The following TMPRSS11E variants were observed in gnomAD, a reference collection of about 807,000 sequenced individuals.
TMPRSS11E encodes the protein transmembrane serine protease 11E, also known as transmembrane protease serine 11E.
A neutral mutation model predicts 48.1 loss-of-function variants in TMPRSS11E; 38 were observed. That is an observed-to-expected ratio of 0.79 (90% CI 0.61 to 1.04). The LOEUF is 1.04. TMPRSS11E is among the 50% of genes least tolerant of loss of function. The pLI, the probability that TMPRSS11E is intolerant of heterozygous loss-of-function variation, is 0.00. For synonymous variants in TMPRSS11E, 158 were observed against 171.9 expected (o/e 0.92, Z 0.63); for missense variants, 530 against 510.8 (o/e 1.04, Z -0.36).
chr4:68,492,979 C>T (rs1560562300), intron 9 of TMPRSS11E, among the ~76,000 whole-genome samples: 1 of 152,152 alleles, frequency 6.6e-6, no homozygotes, highest in Non-Finnish European at 1.5e-5. Flanking sequence ...TTGAAAACAT[C>T]GTGCACTTTT....
chr4:68,455,224 A>T (rs967278514), intron 1 of TMPRSS11E, among the ~76,000 whole-genome samples: 3 of 151,960 alleles, frequency 2.0e-5, no homozygotes, highest in African/African-American at 4.8e-5. Flanking sequence ...CATTTGAAAA[A>T]TTGCCTGAAG....
chr4:68,454,476 T>C (rs1728575932), intron 1 of TMPRSS11E, among the ~76,000 whole-genome samples: 1 of 151,944 alleles, frequency 6.6e-6, no homozygotes, highest in South Asian at 2.1e-4. Flanking sequence ...AATAAAAAAT[T>C]TCATAAATTT....
chr4:68,453,381 G>A (rs151263151), intron 1 of TMPRSS11E, among the ~76,000 whole-genome samples: 12,442 of 151,806 alleles, frequency 0.082, 970 homozygotes, highest in East Asian at 0.41. Context: ...CTAATCCCAA[G>A]CTGTTTGATG....
intron 2 of TMPRSS11E, among the ~76,000 whole-genome samples, chr4:68,465,386 G>C (rs1434225825): frequency 2.0e-5 from 3 of 152,126 alleles, no homozygotes; most frequent in Non-Finnish European, 4.4e-5. Flanking sequence ...TACACCAGTA[G>C]TTTTTTGCAT....
At chr4:68,480,489 A>G (rs762004530) in intron 9 of TMPRSS11E, among the ~76,000 whole-genome samples, 23 of 151,662 alleles carry the variant, frequency 1.5e-4, no homozygotes, top group Non-Finnish European at 2.4e-4. Flanking sequence ...TCTTCTTTTT[A>G]TATTTACTAT....
At chr4:68,462,740 TA>T (rs2109675329) in intron 2 of TMPRSS11E, among the ~76,000 whole-genome samples, 1 of 152,328 alleles carries the variant, frequency 6.6e-6, no homozygotes, top group Non-Finnish European at 1.5e-5. Flanking sequence ...TTTCTGTTAT[TA>T]AAATCTCATC....
chr4:68,468,526 T>C (rs943731351), intron 3 of TMPRSS11E, among the ~76,000 whole-genome samples: 3 of 152,120 alleles, frequency 2.0e-5, no homozygotes, highest in African/African-American at 7.2e-5. Context: ...AATTATTTCA[T>C]TTCCTTTGTC....
Position 68,476,384 on chromosome 4 carries a change from G to C in TMPRSS11E, c.653G>C (p.Gly218Ala), listed in dbSNP as rs1352054234. 6.2e-7 allele frequency: 1 copy of C among 1,614,106 alleles called. No homozygotes were observed. The highest frequency in any genetic ancestry group is 1.1e-5 in the South Asian group (1 of 91,082). The change falls in exon 7 of 10, where the codon GGA becomes GCA. Residue 218 changes from glycine to alanine, a missense_variant. Physicochemically the swap from Gly to Ala is moderately conservative, Grantham distance 60. Transcript: ENST00000305363. ...CAGTGGGATGGGAGTCATCGCTGTG[G>C]AGCAACCTTAATTAATGCCACATGG... Reference protein sequence around the residue: ...SLQWDGSHRCGATLINATWLV... With the variant: ...SLQWDGSHRCAATLINATWLV...
intron 1 of TMPRSS11E, among the ~76,000 whole-genome samples, chr4:68,458,339 A>G (rs1728691238): frequency 7.1e-6 from 1 of 140,694 alleles, no homozygotes; most frequent in African/African-American, 2.5e-5. Context: ...TTTTCTGGCA[A>G]TTTGGGGCTA....
At position 68,496,721 on chromosome 4, in the gene TMPRSS11E, G is replaced by C. The variant is rs758304149; in HGVS notation, c.1189G>C (p.Glu397Gln). ...YLAGIVSWGD[E>Q]CAKPNKPGVY... ...TGCTGGAATAGTGAGCTGGGGAGAT[G>C]AATGTGCGAAACCCAACAAGCCTGG... Residue 397 changes from glutamate (E) to glutamine (Q), a missense_variant, in exon 10 of 10, where the codon GAA becomes CAA. By Grantham distance (29) the Glu-to-Gln change is conservative. Transcript: ENST00000305363. 6.2e-7 allele frequency: 1 copy of C among 1,613,720 alleles called. No homozygotes were observed.
In TMPRSS11E at chr4:68,468,894, T is replaced by C. The variant is rs770511796; in HGVS notation, c.274T>C (p.Tyr92His). The C allele has an allele frequency of 1.2e-6, 2 of 1,609,172 alleles. No homozygotes were observed. The highest frequency in any genetic ancestry group is 1.7e-6 in the Non-Finnish European group (2 of 1,175,780). The part of the protein sequence containing the change: ...RLESMVKNAF[Y>H]KSPLREEFVK... ...TTACAAACAGGTGAAAAATGCATTT[T>C]ATAAATCTCCATTAAGGGAAGAATT... Residue 92 changes from tyrosine (Y) to histidine (H), a missense_variant, in exon 4 of 10, where the codon TAT becomes CAT. Coordinates refer to ENST00000305363, the MANE Select transcript of TMPRSS11E (RefSeq NM_014058.4).
At chr4:68,486,602 G>A (rs957606346) in intron 9 of TMPRSS11E, among the ~76,000 whole-genome samples, 5 of 152,142 alleles carry the variant, frequency 3.3e-5, no homozygotes, top group Non-Finnish European at 1.5e-5. Context: ...TGAAAAGAAT[G>A]TATATTTTCT....
chr4:68,487,670 C>T (rs192545667), intron 9 of TMPRSS11E, among the ~76,000 whole-genome samples: 30 of 152,138 alleles, frequency 2.0e-4, no homozygotes, highest in East Asian at 1.9e-3. Context: ...GTTTCTCCTT[C>T]GCTTATGAAG....
intron 1 of TMPRSS11E, among the ~76,000 whole-genome samples, chr4:68,459,336 C>T (rs1406952115): frequency 2.6e-5 from 4 of 151,536 alleles, no homozygotes; most frequent in Non-Finnish European, 4.4e-5. Flanking sequence ...TTAAGAATGT[C>T]CTATGTCTCT....
intron 8 of TMPRSS11E, among the ~76,000 whole-genome samples, chr4:68,478,298 G>T (rs1560555558): frequency 6.6e-6 from 1 of 151,124 alleles, no homozygotes; most frequent in Admixed American, 6.6e-5. Flanking sequence ...TGGGACTACA[G>T]GTGCCCGCCT....
intron 9 of TMPRSS11E, among the ~76,000 whole-genome samples, chr4:68,485,142 GTTTTTTTCT>G (rs1344212492): frequency 6.6e-6 from 1 of 151,698 alleles, no homozygotes; most frequent in African/African-American, 2.4e-5. Context: ...TTAGTTCAAG[GTTTTTTTCT>G]TTTTTTTCTT....
chr4:68,449,187 T>G (rs927316735), intron 1 of TMPRSS11E, among the ~76,000 whole-genome samples: 53 of 151,806 alleles, frequency 3.5e-4, no homozygotes, highest in African/African-American at 1.2e-3. Context: ...ATTATTCTTC[T>G]TGTACTGCCA....
In TMPRSS11E at chr4:68,477,404, G is replaced by T; in HGVS notation, c.743G>T (p.Gly248Val). ...KNPARWTASF[G>V]VTIKPSKMKR... ...CCTGCCAGATGGACTGCTTCCTTTG[G>T]AGTAACAATAAAACCTTCGAAAATG... The change falls in exon 8 of 10, where the codon GGA becomes GTA. Residue 248 changes from glycine to valine, a missense_variant. By Grantham distance (109) the Gly-to-Val change is moderately radical. Transcript: ENST00000305363. 2.5e-6 allele frequency: 4 copies of T among 1,613,906 alleles called. No homozygotes were observed. Among genetic ancestry groups the T allele is most frequent in the Non-Finnish European group, 3.4e-6 (4 of 1,179,924 alleles).
At chr4:68,460,119 A>G (rs1303865751) in intron 1 of TMPRSS11E, among the ~76,000 whole-genome samples, 2 of 152,192 alleles carry the variant, frequency 1.3e-5, no homozygotes, top group East Asian at 1.9e-4. Flanking sequence ...GGAACAAGGC[A>G]GGAGAACAAG....
Sources: gnomAD v4.1 joint callset for allele counts (sites outside exome capture counted in the v4.1 genomes callset) on GRCh38, gnomAD v4.1.1 for gene constraint, MANE v1.5 for transcripts, NCBI Gene and HGNC (gene_info 2026-07-23, HGNC 2026-07-21) for gene names.